The following IMMP2L variants were observed in gnomAD, a reference collection of about 807,000 sequenced individuals.
IMMP2L encodes mitochondrial inner membrane protease subunit 2.
IMMP2L carries 18 observed loss-of-function variants against 19.3 expected under a neutral mutation model. The ratio of observed to expected loss-of-function variants is 0.93; its 90% CI spans 0.64 to 1.38. The LOEUF (loss-of-function observed/expected upper bound fraction) is 1.38, where lower values mean the gene tolerates loss of function less well. Ranked by LOEUF, IMMP2L falls within the 40% of genes most tolerant of loss-of-function variation. The pLI is 0.00. For synonymous variants in IMMP2L, 76 were observed against 73.0 expected, an observed-to-expected ratio of 1.04 and a Z score of -0.21; for missense variants, 233 against 218.2, an observed-to-expected ratio of 1.07 and a Z score of -0.43.
chr7:111,072,109 A>C (rs932635180), intron 3 of IMMP2L, among the ~76,000 whole-genome samples: 3 of 152,218 alleles, frequency 2.0e-5, no homozygotes, highest in African/African-American at 7.2e-5. Flanking sequence ...AAAATCCATT[A>C]GTCCTTACTG....
At chr7:110,693,264 C>T (rs566180969) in intron 5 of IMMP2L, among the ~76,000 whole-genome samples, 98 of 152,280 alleles carry the variant, frequency 6.4e-4, no homozygotes, top group African/African-American at 2.3e-3. Context: ...TCTAAGAGAA[C>T]AACCATATAG....
intron 3 of IMMP2L, among the ~76,000 whole-genome samples, chr7:111,101,479 T>C (rs1797968170): frequency 6.6e-6 from 1 of 151,492 alleles, no homozygotes; most frequent in African/African-American, 2.4e-5. Flanking sequence ...AGTTACAGAA[T>C]TATTGGGTTA....
chr7:111,419,700 T>C (rs1243630346), intron 3 of IMMP2L, among the ~76,000 whole-genome samples: 1 of 151,682 alleles, frequency 6.6e-6, no homozygotes, highest in African/African-American at 2.4e-5. Flanking sequence ...AACCAAACTG[T>C]GTTCTGACCA....
At chr7:110,979,307 T>A (rs1488152828) in intron 3 of IMMP2L, among the ~76,000 whole-genome samples, 1 of 152,164 alleles carries the variant, frequency 6.6e-6, no homozygotes, top group Non-Finnish European at 1.5e-5. Flanking sequence ...ATGTCTAAAT[T>A]TTTTCTCAAA....
chr7:111,006,776 T>C (rs1432954035), intron 3 of IMMP2L, among the ~76,000 whole-genome samples: 2 of 152,154 alleles, frequency 1.3e-5, no homozygotes, highest in East Asian at 1.9e-4. Context: ...ATTATAATCA[T>C]GTAAGCACTT....
chr7:110,981,591 T>C (rs900649504), intron 3 of IMMP2L, among the ~76,000 whole-genome samples: 1 of 151,922 alleles, frequency 6.6e-6, no homozygotes, highest in African/African-American at 2.4e-5. Context: ...ATTGAAGTGA[T>C]AAGTAGTGTT....
At chr7:111,560,232 T>C (rs923012738) in intron 1 of IMMP2L, among the ~76,000 whole-genome samples, 7 of 151,830 alleles carry the variant, frequency 4.6e-5, no homozygotes, top group Non-Finnish European at 1.0e-4. Context: ...TAATTCTAAA[T>C]AACTTTTTTT....
chr7:111,015,785 T>C (rs1304066156), intron 3 of IMMP2L, among the ~76,000 whole-genome samples: 3 of 152,102 alleles, frequency 2.0e-5, no homozygotes, highest in African/African-American at 7.2e-5. Flanking sequence ...TGTGAATATA[T>C]TAAGACCACT....
At chr7:110,907,392 C>T (rs190995551) in intron 4 of IMMP2L, among the ~76,000 whole-genome samples, 1 of 152,250 alleles carries the variant, frequency 6.6e-6, no homozygotes, top group East Asian at 1.9e-4. Flanking sequence ...TCAAGCTGTC[C>T]CTCTGAAGTC....
At chr7:111,016,899 TTA>T (rs1317631984) in intron 3 of IMMP2L, among the ~76,000 whole-genome samples, 6 of 86,472 alleles carry the variant, frequency 6.9e-5, no homozygotes, top group Non-Finnish European at 1.0e-4. Context: ...ATAATATATA[TTA>T]TATATAATTA....
intron 3 of IMMP2L, among the ~76,000 whole-genome samples, chr7:111,306,236 A>G (rs563915062): frequency 5.8e-4 from 89 of 152,268 alleles, no homozygotes; most frequent in Middle Eastern, 3.4e-3. Flanking sequence ...CAGTGGATAC[A>G]TGTTATTACA....
At position 111,446,378 on chromosome 7, in the gene IMMP2L, T is replaced by C. The variant is rs1308969552; in HGVS notation, c.239+40860A>G. On this transcript the variant is annotated intron_variant, in intron 3 of 5. Coordinates refer to ENST00000405709, the MANE Select transcript of IMMP2L (RefSeq NM_032549.4). ...GAGATCTGAGAACAGGCAGACTGCC[T>C]CCTCAAGTGGGTCCCTGACCCCTGA... is the stretch of plus-strand genomic sequence containing the variant. Among the ~76,000 whole-genome samples, 3 of 146,036 alleles carry C rather than the reference T, an allele frequency of 2.1e-5. No individual in the cohort carries two copies. In the East Asian group the frequency reaches 5.8e-4, roughly 28 times the overall value.
At chr7:111,368,718 C>A (rs904433362) in intron 3 of IMMP2L, among the ~76,000 whole-genome samples, 1 of 151,898 alleles carries the variant, frequency 6.6e-6, no homozygotes, top group African/African-American at 2.4e-5. Context: ...ACAACAACGA[C>A]AAATCTGTAA....
intron 1 of IMMP2L, among the ~76,000 whole-genome samples, chr7:111,543,460 A>AT (rs1848656504): frequency 6.6e-6 from 1 of 152,158 alleles, no homozygotes; most frequent in African/African-American, 2.4e-5. Flanking sequence ...AAGAAATGAG[A>AT]TAAGCCTTCT....
At chr7:110,997,905 T>C (rs1002278885) in intron 3 of IMMP2L, among the ~76,000 whole-genome samples, 1 of 152,134 alleles carries the variant, frequency 6.6e-6, no homozygotes, top group East Asian at 1.9e-4. Context: ...CAAGTTCTTC[T>C]AATACCGGAT....
intron 3 of IMMP2L, among the ~76,000 whole-genome samples, chr7:111,287,530 A>G (rs1444489283): frequency 6.8e-6 from 1 of 147,748 alleles, no homozygotes; most frequent in Non-Finnish European, 1.5e-5. Flanking sequence ...TTTGTTCCAC[A>G]AAATCAAGAA....
At chr7:111,124,488 A>T in intron 3 of IMMP2L, 4 of 1,613,996 alleles carry the variant, frequency 2.5e-6, no homozygotes, top group Non-Finnish European at 3.4e-6. Context: ...CTCGAATACC[A>T]TCTGATGTCA....
chr7:111,007,237 A>G (rs1824387272), intron 3 of IMMP2L, among the ~76,000 whole-genome samples: 1 of 152,136 alleles, frequency 6.6e-6, no homozygotes, highest in Non-Finnish European at 1.5e-5. Flanking sequence ...TTCACTCATT[A>G]TCATGAGAAC....
chr7:111,460,760 CAAGATT>C (rs1354950011), intron 3 of IMMP2L, among the ~76,000 whole-genome samples: 1 of 151,848 alleles, frequency 6.6e-6, no homozygotes, highest in East Asian at 1.9e-4. Context: ...TATCACAATT[CAAGATT>C]ACTGCATTTT....
Sources: gnomAD v4.1 joint callset for allele counts (sites outside exome capture counted in the v4.1 genomes callset) on GRCh38, gnomAD v4.1.1 for gene constraint, MANE v1.5 for transcripts, NCBI Gene and HGNC (gene_info 2026-07-23, HGNC 2026-07-21) for gene names.